GRID2: variants seen among roughly 807,000 people sequenced by gnomAD.
GRID2 encodes the protein glutamate ionotropic receptor delta type subunit 2.
GRID2 carries 33 observed loss-of-function variants against 114.8 expected under a neutral mutation model. The ratio of observed to expected loss-of-function variants is 0.29; its 90% confidence interval spans 0.22 to 0.38. The LOEUF (loss-of-function observed/expected upper bound fraction) is 0.38, where lower values mean the gene tolerates loss of function less well. Ranked by LOEUF, GRID2 falls within the 10% of genes least tolerant of loss-of-function variation. The pLI, the probability that GRID2 is intolerant of heterozygous loss-of-function variation, is 1.00. For missense variants in GRID2, 1,184 were observed against 1,257.7 expected, an observed-to-expected ratio of 0.94 and a Z score of 0.89; for synonymous variants, 505 against 449.9, an observed-to-expected ratio of 1.12 and a Z score of -1.55.
intron 2 of GRID2, among the ~76,000 whole-genome samples, chr4:93,000,739 A>T (rs1560783754): frequency 4.7e-5 from 7 of 149,210 alleles, no homozygotes. Context: ...TTTTTTATCA[A>T]TTAAATATTC....
At chr4:92,468,600 A>G (rs1026157837) in intron 1 of GRID2, among the ~76,000 whole-genome samples, 2 of 152,082 alleles carry the variant, frequency 1.3e-5, no homozygotes, top group Non-Finnish European at 2.9e-5. Context: ...ACAGTATAAC[A>G]GAGGGAGAAA....
intron 8 of GRID2, among the ~76,000 whole-genome samples, chr4:93,384,196 G>T (rs1764111614): frequency 6.6e-6 from 1 of 152,054 alleles, no homozygotes; most frequent in Non-Finnish European, 1.5e-5. Flanking sequence ...TATTCATGAG[G>T]GAAGAACCCT....
At position 92,471,974 on chromosome 4, in the gene GRID2, C is replaced by T. The variant is rs1425268495; in HGVS notation, c.89-118157C>T. Among the ~76,000 whole-genome samples the T allele has an allele frequency of 7.5e-5, 4 of 53,264 alleles. 1 individual carries two copies. The highest frequency in any genetic ancestry group is 1.4e-4 in the Non-Finnish European group (4 of 27,934). 34.9% of individuals were successfully genotyped at this position (53,264 alleles called of 152,430 possible). Reference sequence around the variant, plus strand: ...TTTGAGACGGAGTCTCGCTCTGTCGCCCAGGCTGGAGTGCAGTGGCGGGAT... The same window carrying T: ...TTTGAGACGGAGTCTCGCTCTGTCGTCCAGGCTGGAGTGCAGTGGCGGGAT... On this transcript the variant is annotated intron_variant, in intron 1 of 15. Coordinates refer to ENST00000282020, the MANE Select transcript of GRID2 (RefSeq NM_001510.4).
chr4:93,750,527 T>C (rs71599292), intron 14 of GRID2, among the ~76,000 whole-genome samples: 1 of 152,030 alleles, frequency 6.6e-6, no homozygotes, highest in South Asian at 2.1e-4. Flanking sequence ...CCCAGCACTT[T>C]GGGAGGCCAA....
At chr4:93,050,686 T>G (rs1726626096) in intron 2 of GRID2, among the ~76,000 whole-genome samples, 1 of 152,048 alleles carries the variant, frequency 6.6e-6, no homozygotes, top group South Asian at 2.1e-4. Flanking sequence ...CATTCGACTA[T>G]TAAATTTGTA....
intron 2 of GRID2, among the ~76,000 whole-genome samples, chr4:92,790,951 G>C (rs1216457028): frequency 1.3e-5 from 2 of 151,552 alleles, no homozygotes; most frequent in Non-Finnish European, 2.9e-5. Flanking sequence ...TGTTACCTTC[G>C]GCAAGTTTAT....
At chr4:93,711,783 G>A (rs1728502483) in intron 14 of GRID2, among the ~76,000 whole-genome samples, 1 of 152,168 alleles carries the variant, frequency 6.6e-6, no homozygotes, top group Non-Finnish European at 1.5e-5. Context: ...GCGGGTGGTG[G>A]TGTAGACAAT....
intron 13 of GRID2, among the ~76,000 whole-genome samples, chr4:93,575,701 T>C (rs1399756984): frequency 1.3e-5 from 2 of 152,184 alleles, no homozygotes; most frequent in African/African-American, 2.4e-5. Context: ...ATTTTACTGA[T>C]ATAAAGATAG....
intron 1 of GRID2, among the ~76,000 whole-genome samples, chr4:92,460,352 G>A (rs1384802586): frequency 6.6e-6 from 1 of 151,914 alleles, no homozygotes; most frequent in African/African-American, 2.4e-5. Context: ...AGGGAATTCA[G>A]TGAACCCTAC....
chr4:93,440,913 T>C (rs1721565020), intron 10 of GRID2, among the ~76,000 whole-genome samples: 1 of 152,048 alleles, frequency 6.6e-6, no homozygotes, highest in African/African-American at 2.4e-5. Context: ...TAATAAGTCT[T>C]GAATCAAAAC....
chr4:93,579,765 T>C (rs1281013345), intron 13 of GRID2, among the ~76,000 whole-genome samples: 1 of 152,154 alleles, frequency 6.6e-6, no homozygotes, highest in African/African-American at 2.4e-5. Context: ...TTAGCCTACA[T>C]CTGGCCCTAA....
At chr4:92,495,388 A>G (rs1479563689) in intron 1 of GRID2, among the ~76,000 whole-genome samples, 1 of 152,028 alleles carries the variant, frequency 6.6e-6, no homozygotes, top group Admixed American at 6.6e-5. Flanking sequence ...CAATGAAGAA[A>G]TAAGGTAGAG....
chr4:92,431,241 T>C (rs1003067782), intron 1 of GRID2, among the ~76,000 whole-genome samples: 1 of 152,222 alleles, frequency 6.6e-6, no homozygotes, highest in Admixed American at 6.5e-5. Context: ...GCTGTGGATT[T>C]GTCATATATG....
At chr4:93,364,429 A>C (rs940784711) in intron 8 of GRID2, among the ~76,000 whole-genome samples, 1 of 151,938 alleles carries the variant, frequency 6.6e-6, no homozygotes, top group African/African-American at 2.4e-5. Context: ...TATTGAATCT[A>C]TTTTCATTGA....
intron 2 of GRID2, among the ~76,000 whole-genome samples, chr4:92,788,767 T>G (rs1286993780): frequency 1.3e-5 from 2 of 151,884 alleles, no homozygotes; most frequent in Non-Finnish European, 2.9e-5. Flanking sequence ...ATATCTATCT[T>G]GAAATATCTA....
chr4:93,390,077 C>T (rs1764708120), intron 8 of GRID2, among the ~76,000 whole-genome samples: 1 of 152,188 alleles, frequency 6.6e-6, no homozygotes, highest in Non-Finnish European at 1.5e-5. Flanking sequence ...GCGTGAGCCA[C>T]CGCACCCAGC....
chr4:93,068,490 C>T (rs932882373), intron 2 of GRID2, among the ~76,000 whole-genome samples: 3 of 152,026 alleles, frequency 2.0e-5, no homozygotes, highest in Admixed American at 1.3e-4. Flanking sequence ...CTCGTTAAAA[C>T]AATTTCTATG....
At chr4:93,677,601 G>A (rs1303993020) in intron 14 of GRID2, among the ~76,000 whole-genome samples, 1 of 152,122 alleles carries the variant, frequency 6.6e-6, no homozygotes, top group African/African-American at 2.4e-5. Context: ...GGAACCATCA[G>A]ACAGCAGCAT....
intron 2 of GRID2, among the ~76,000 whole-genome samples, chr4:92,616,063 T>G (rs1418052028): frequency 1.3e-5 from 2 of 151,672 alleles, no homozygotes; most frequent in Non-Finnish European, 3.0e-5. Context: ...CACATAATTA[T>G]CTTTTCCATT....
Sources: gnomAD v4.1 joint callset for allele counts (sites outside exome capture counted in the v4.1 genomes callset) on GRCh38, gnomAD v4.1.1 for gene constraint, MANE v1.5 for transcripts, NCBI Gene and HGNC (gene_info 2026-07-23, HGNC 2026-07-21) for gene names.